The following MAST4 variants were observed in gnomAD, a reference collection of about 807,000 sequenced individuals.
MAST4 encodes the protein microtubule-associated serine/threonine-protein kinase 4.
MAST4 carries 89 observed loss-of-function variants against 162.7 expected under a neutral mutation model. That is an observed-to-expected ratio of 0.55 (90% confidence interval 0.46 to 0.65). The LOEUF (loss-of-function observed/expected upper bound fraction) is 0.65. Among genes scored for constraint, MAST4 ranks in the 30% least tolerant of loss-of-function variants. The pLI, the probability that MAST4 is intolerant of heterozygous loss-of-function variation, is 0.00. For synonymous variants in MAST4, 1,479 were observed against 1,361.1 expected (o/e 1.09, Z -1.91); for missense variants, 3,153 against 3,374.0 (o/e 0.93, Z 1.62).
At chr5:67,093,791 C>G in intron 6 of MAST4, 1 of 363,882 alleles carries the variant, frequency 2.7e-6, no homozygotes, top group Admixed American at 3.0e-5. Flanking sequence ...CTCACTCTTT[C>G]CAGAGACTAG....
intron 3 of MAST4, among the ~76,000 whole-genome samples, chr5:66,859,816 C>T (rs937706983): frequency 1.3e-5 from 2 of 152,190 alleles, no homozygotes; most frequent in African/African-American, 4.8e-5. Flanking sequence ...AAGAGAGTGC[C>T]GTGCTGCCTA....
intron 24 of MAST4, among the ~76,000 whole-genome samples, chr5:67,150,715 T>A (rs1383693112): frequency 4.6e-5 from 7 of 152,208 alleles, no homozygotes; most frequent in African/African-American, 1.4e-4. Context: ...GGGCCTGGCC[T>A]TTCAGCAGTT....
intron 3 of MAST4, among the ~76,000 whole-genome samples, chr5:66,861,709 C>T (rs1046341597): frequency 1.3e-5 from 2 of 152,262 alleles, no homozygotes; most frequent in East Asian, 3.9e-4. Context: ...AGGATGATTT[C>T]GTTTGCATTT....
At chr5:66,682,097 A>G (rs532627849) in intron 1 of MAST4, among the ~76,000 whole-genome samples, 1 of 152,202 alleles carries the variant, frequency 6.6e-6, no homozygotes, top group Non-Finnish European at 1.5e-5. Flanking sequence ...CCTGACCTAC[A>G]TGAGGGCATC....
chr5:66,606,436 T>C (rs1742888937), intron 1 of MAST4, among the ~76,000 whole-genome samples: 1 of 152,212 alleles, frequency 6.6e-6, no homozygotes, highest in Non-Finnish European at 1.5e-5. Context: ...TTGAAAACTA[T>C]TGAAGATGTG....
rs376438045 is a variant in MAST4, at chr5:67,156,481, G to A, written c.3648+2901G>A. On this transcript the variant is annotated intron_variant, in intron 26 of 28. Transcript: ENST00000403625. Reference sequence around the variant, plus strand: ...AACTTAAGTAACAGACTATAAACACGGCAGAAGTTCCAAAAGAGGGATGAC... The same window carrying A: ...AACTTAAGTAACAGACTATAAACACAGCAGAAGTTCCAAAAGAGGGATGAC... 2.5e-3 allele frequency among the ~76,000 whole-genome samples: 382 copies of A among 152,248 alleles called. 3 individuals are homozygous for A. The highest frequency in any genetic ancestry group is 8.9e-3 in the African/African-American group (369 of 41,552).
At chr5:66,814,193 A>G (rs1272839492) in intron 3 of MAST4, among the ~76,000 whole-genome samples, 2 of 152,348 alleles carry the variant, frequency 1.3e-5, no homozygotes, top group East Asian at 3.9e-4. Context: ...CTAGTAACAA[A>G]TTATGAAATC....
chr5:66,670,906 C>T (rs538675398), intron 1 of MAST4, among the ~76,000 whole-genome samples: 33 of 152,278 alleles, frequency 2.2e-4, no homozygotes, highest in African/African-American at 6.3e-4. Context: ...CGCGCCCTTT[C>T]GCTCTGAAGT....
At chr5:67,054,537 G>A (rs1392754757) in intron 5 of MAST4, 45 bp downstream of exon 5, 1 of 1,505,754 alleles carries the variant, frequency 6.6e-7, no homozygotes, top group Admixed American at 2.2e-5. Flanking sequence ...TTCTTTATTT[G>A]TTGGTTTTTT....
chr5:67,050,173 C>T (rs1757994914), intron 4 of MAST4, among the ~76,000 whole-genome samples: 1 of 152,206 alleles, frequency 6.6e-6, no homozygotes, highest in South Asian at 2.1e-4. Flanking sequence ...TCTTCACCTT[C>T]TTAGCAAATG....
intron 3 of MAST4, among the ~76,000 whole-genome samples, chr5:66,886,500 T>C (rs1266004059): frequency 1.3e-5 from 2 of 151,994 alleles, no homozygotes; most frequent in Non-Finnish European, 2.9e-5. Flanking sequence ...CCCACCCCGT[T>C]TGTTAAAACT....
chr5:67,048,970 C>CATATATAT (rs367955442), intron 4 of MAST4, among the ~76,000 whole-genome samples: 2 of 117,952 alleles, frequency 1.7e-5, no homozygotes, highest in African/African-American at 6.8e-5. Context: ...ATACATATAG[C>CATATATAT]ATATATATAT....
At chr5:66,844,184 TGTG>T (rs1758639924) in intron 3 of MAST4, among the ~76,000 whole-genome samples, 2 of 140,100 alleles carry the variant, frequency 1.4e-5, no homozygotes, top group Admixed American at 1.5e-4. Context: ...TGTGTGTGTG[TGTG>T]TGTGTGTGTG....
At chr5:66,897,892 C>A (rs554390362) in intron 3 of MAST4, among the ~76,000 whole-genome samples, 249 of 152,276 alleles carry the variant, frequency 1.6e-3, no homozygotes, top group Non-Finnish European at 3.1e-3. Flanking sequence ...AGCAAAGCAG[C>A]CAGTTTATGC....
intron 1 of MAST4, among the ~76,000 whole-genome samples, chr5:66,612,371 A>G (rs1743345366): frequency 6.6e-6 from 1 of 152,132 alleles, no homozygotes; most frequent in Non-Finnish European, 1.5e-5. Flanking sequence ...AGACTCCATT[A>G]TTGGTGGTGA....
chr5:67,112,973 C>T (rs1766427093), intron 11 of MAST4, among the ~76,000 whole-genome samples: 1 of 152,116 alleles, frequency 6.6e-6, no homozygotes, highest in Admixed American at 6.5e-5. Context: ...CAAAAAGCCA[C>T]TTATTACTTT....
At chr5:67,126,238 C>G (rs1468872808) in intron 14 of MAST4, among the ~76,000 whole-genome samples, 1 of 152,164 alleles carries the variant, frequency 6.6e-6, no homozygotes, top group Non-Finnish European at 1.5e-5. Flanking sequence ...TGCAGAAGCT[C>G]TTTAGTTTAA....
At chr5:66,989,914 G>A (rs2150274221) in intron 4 of MAST4, among the ~76,000 whole-genome samples, 2 of 152,206 alleles carry the variant, frequency 1.3e-5, no homozygotes, top group South Asian at 4.1e-4. Flanking sequence ...AATGAGCTGA[G>A]AAATGTGCTT....
intron 19 of MAST4, among the ~76,000 whole-genome samples, chr5:67,141,579 G>A (rs893922201): frequency 9.2e-5 from 14 of 152,312 alleles, no homozygotes; most frequent in Non-Finnish European, 1.3e-4. Flanking sequence ...AGATTTGTCA[G>A]TTTCCTACTT....
Sources: gnomAD v4.1 joint callset for allele counts (sites outside exome capture counted in the v4.1 genomes callset) on GRCh38, gnomAD v4.1.1 for gene constraint, MANE v1.5 for transcripts, NCBI Gene and HGNC (gene_info 2026-07-23, HGNC 2026-07-21) for gene names.